The following NXPE1 variants were observed in gnomAD, a reference collection of about 807,000 sequenced individuals.
NXPE1 encodes the protein neurexophilin and PC-esterase domain family member 1, also known as NXPE family member 1.
Under a neutral mutation model 33.3 loss-of-function variants are expected in NXPE1, and 31 were observed. That is an observed-to-expected ratio of 0.93 (90% confidence interval 0.70 to 1.26). NXPE1 has a LOEUF of 1.26. Ranked by LOEUF, NXPE1 falls within the 50% of genes most tolerant of loss-of-function variation. The pLI, the probability that NXPE1 is intolerant of heterozygous loss-of-function variation, is 0.00. For synonymous variants in NXPE1, 229 were observed against 231.4 expected (o/e 0.99, Z 0.09); for missense variants, 661 against 655.6 (o/e 1.01, Z -0.09).
chr11:114,527,751 T>C (rs1947420364), intron 7 of NXPE1, 89 bp downstream of exon 7: 10 of 804,992 alleles, frequency 1.2e-5, no homozygotes, highest in East Asian at 2.7e-5. Context: ...CTGCTAGGAA[T>C]TGTGCTCCAG....
intron 5 of NXPE1, among the ~76,000 whole-genome samples, chr11:114,537,798 A>G (rs1947896210): frequency 6.6e-6 from 1 of 151,962 alleles, no homozygotes; most frequent in African/African-American, 2.4e-5. Context: ...AAACAAATGG[A>G]AGAACATTCC....
intron 5 of NXPE1, among the ~76,000 whole-genome samples, chr11:114,547,296 C>T (rs1948314733): frequency 6.6e-6 from 1 of 152,162 alleles, no homozygotes. Context: ...GATCTTCCTT[C>T]CCTAAACCCA....
chr11:114,548,020 T>C (rs1374297995), intron 5 of NXPE1, among the ~76,000 whole-genome samples: 1 of 151,590 alleles, frequency 6.6e-6, no homozygotes, highest in African/African-American at 2.4e-5. Flanking sequence ...AACAATTAAA[T>C]ACCACATTAA....
intron 1 of NXPE1, among the ~76,000 whole-genome samples, chr11:114,557,546 C>T (rs1948680120): frequency 6.6e-6 from 1 of 150,420 alleles, no homozygotes; most frequent in Admixed American, 6.6e-5. Context: ...CTACCTTAGC[C>T]TCCCATGTAG....
intron 5 of NXPE1, among the ~76,000 whole-genome samples, chr11:114,536,796 T>A (rs899835271): frequency 1.3e-5 from 2 of 152,214 alleles, no homozygotes; most frequent in African/African-American, 4.8e-5. Context: ...ATTAATAGCT[T>A]ACCAACCAAA....
intron 7 of NXPE1, among the ~76,000 whole-genome samples, chr11:114,526,857 C>T (rs1425598836): frequency 6.6e-6 from 1 of 152,182 alleles, no homozygotes; most frequent in Non-Finnish European, 1.5e-5. Flanking sequence ...AGAAATTACT[C>T]ATATTCATTT....
intron 5 of NXPE1, among the ~76,000 whole-genome samples, chr11:114,538,204 G>T (rs1947922472): frequency 6.6e-6 from 1 of 152,212 alleles, no homozygotes; most frequent in African/African-American, 2.4e-5. Context: ...AATAAATGGT[G>T]CTGGGAAAAT....
chr11:114,523,689 T>A (rs1250005654), intron 7 of NXPE1, among the ~76,000 whole-genome samples: 5 of 152,342 alleles, frequency 3.3e-5, no homozygotes, highest in African/African-American at 1.2e-4. Flanking sequence ...TTTCAGGCTC[T>A]GTTTGCACAT....
intron 5 of NXPE1, among the ~76,000 whole-genome samples, chr11:114,536,458 C>T (rs559471754): frequency 7.1e-4 from 108 of 152,016 alleles, no homozygotes; most frequent in African/African-American, 2.6e-3. Flanking sequence ...GAAATAGAGA[C>T]AAAAAACCCT....
chr11:114,539,034 C>A (rs1315561113), intron 5 of NXPE1, among the ~76,000 whole-genome samples: 3 of 152,086 alleles, frequency 2.0e-5, no homozygotes, highest in African/African-American at 2.4e-5. Context: ...GGAACCAACC[C>A]AAATGTCCAA....
chr11:114,546,058 G>T (rs778892670), intron 5 of NXPE1, among the ~76,000 whole-genome samples: 1 of 152,164 alleles, frequency 6.6e-6, no homozygotes, highest in South Asian at 2.1e-4. Flanking sequence ...GTAGAACACA[G>T]TGTTTTAACT....
At chr11:114,546,926 T>C (rs1446973224) in intron 5 of NXPE1, among the ~76,000 whole-genome samples, 1 of 152,168 alleles carries the variant, frequency 6.6e-6, no homozygotes, top group African/African-American at 2.4e-5. Context: ...TGTCCCAAAG[T>C]ATGAAATAAA....
chr11:114,547,940 C>A (rs527555092), intron 5 of NXPE1, among the ~76,000 whole-genome samples: 23 of 151,878 alleles, frequency 1.5e-4, no homozygotes, highest in African/African-American at 5.1e-4. Context: ...AATATTCTTA[C>A]AATTTTTCTG....
chr11:114,524,630 C>T (rs1341305627), intron 7 of NXPE1, among the ~76,000 whole-genome samples: 6 of 152,088 alleles, frequency 3.9e-5, no homozygotes, highest in Non-Finnish European at 8.8e-5. Flanking sequence ...TACCATGACC[C>T]TGGAAACTTG....
chr11:114,524,113 T>TA (rs1225451851), intron 7 of NXPE1, among the ~76,000 whole-genome samples: 1 of 152,188 alleles, frequency 6.6e-6, no homozygotes, highest in Non-Finnish European at 1.5e-5. Flanking sequence ...TCTCACATTA[T>TA]ATCTAAAGTT....
intron 5 of NXPE1, among the ~76,000 whole-genome samples, chr11:114,540,122 A>AT (rs1240089042): frequency 7.2e-5 from 11 of 152,078 alleles, no homozygotes; most frequent in Non-Finnish European, 1.3e-4. Context: ...TGCCTGACTA[A>AT]TTTTTTCTAT....
chr11:114,531,041 G>T, intron 5 of NXPE1, 133 bp from the exon 6 acceptor site: 1 of 964,934 alleles, frequency 1.0e-6, no homozygotes, highest in Non-Finnish European at 1.4e-6. Context: ...TTGAATATTT[G>T]GTAATAAAGT....
intron 5 of NXPE1, among the ~76,000 whole-genome samples, chr11:114,541,145 C>G (rs1360041073): frequency 6.6e-6 from 1 of 152,000 alleles, no homozygotes; most frequent in African/African-American, 2.4e-5. Flanking sequence ...TAATCGATTG[C>G]CTGCCATAGC....
downstream of NXPE1, among the ~76,000 whole-genome samples, chr11:114,520,977 A>G (rs994975203): frequency 1.3e-5 from 2 of 152,232 alleles, no homozygotes; most frequent in African/African-American, 4.8e-5. Context: ...TGCTATATCC[A>G]TAGTAAAGTT....
Sources: allele counts gnomAD v4.1 joint callset (sites outside exome capture counted in the v4.1 genomes callset), GRCh38; gene constraint gnomAD v4.1.1; transcripts MANE v1.5; gene names NCBI Gene and HGNC (gene_info 2026-07-23, HGNC 2026-07-21).